Variants in VPS13A observed in about 807,000 individuals in gnomAD.
VPS13A encodes the protein intermembrane lipid transfer protein VPS13A.
Under a neutral mutation model 390.9 loss-of-function variants are expected in VPS13A, and 264 were observed. The observed-to-expected ratio is 0.68, with a 90% CI of 0.61 to 0.75. VPS13A has a LOEUF of 0.75. Ranked by LOEUF, VPS13A falls within the 30% of genes least tolerant of loss-of-function variation. VPS13A has a pLI of 0.00. For missense variants in VPS13A, 3,409 were observed against 3,733.9 expected, an observed-to-expected ratio of 0.91 and a Z score of 2.27; for synonymous variants, 1,231 against 1,227.1, an observed-to-expected ratio of 1.00 and a Z score of -0.07.
intron 23 of VPS13A, among the ~76,000 whole-genome samples, chr9:77,265,266 G>T (rs1488284339): frequency 6.6e-6 from 1 of 152,016 alleles, no homozygotes. Context: ...TCTTTTTTGT[G>T]TGTGTCTCTG....
In VPS13A at chr9:77,339,826, A is replaced by G; in HGVS notation, c.6689A>G (p.Asp2230Gly). Reference sequence around the variant, plus strand: ...GGCCGCATGTTACAGTACAAAGCAGACGGAATTCATCGAAAGCATCCACCT... The same window carrying G: ...GGCCGCATGTTACAGTACAAAGCAGGCGGAATTCATCGAAAGCATCCACCT... ...KTGRMLQYKA[D>G]GIHRKHPPNY... Residue 2230 changes from aspartate to glycine, a missense_variant, in exon 48 of 72, where the codon GAC becomes GGC. This residue lies in a region of VPS13A where 2,717 missense variants were observed against 2,917.4 expected (regional missense o/e 0.93). Coordinates refer to ENST00000360280, the MANE Select transcript of VPS13A (RefSeq NM_033305.3). 2 of 1,614,044 alleles carry G rather than the reference A, an allele frequency of 1.2e-6. No individual in the cohort carries two copies. The highest frequency in any genetic ancestry group is 1.7e-6 in the Non-Finnish European group (2 of 1,179,978).
chr9:77,186,226 T>G (rs1280470259), intron 1 of VPS13A, among the ~76,000 whole-genome samples: 1 of 152,222 alleles, frequency 6.6e-6, no homozygotes, highest in African/African-American at 2.4e-5. Context: ...CTTCTGCCCA[T>G]TGTAACATTG....
chr9:77,238,673 C>G (rs1824289504), intron 19 of VPS13A, among the ~76,000 whole-genome samples: 2 of 152,246 alleles, frequency 1.3e-5, no homozygotes, highest in Non-Finnish European at 2.9e-5. Context: ...CTCTCGTTTT[C>G]CTTTCTTAGA....
In VPS13A at chr9:77,313,927, A is replaced by C. The variant is rs905610865; in HGVS notation, c.4115-65A>C. 3 of 1,483,170 alleles carry C rather than the reference A, an allele frequency of 2.0e-6. No individual in the cohort carries two copies. The African/African-American group carries it at 4.2e-5, about 21-fold the overall frequency. 91.9% of individuals were successfully genotyped at this position (1,483,170 alleles called of 1,614,324 possible). A position where few individuals can be genotyped will look rare whatever the true frequency, so the allele number is the denominator to read the frequency against. On this transcript the variant is annotated intron_variant, in intron 35 of 71. Transcript: ENST00000360280. ...TAATAATTCTATTAAATCTATTTCAAGGGTATTTTAATGAGCTACTTTTCA... is the reference window on the plus strand; with the variant it reads ...TAATAATTCTATTAAATCTATTTCACGGGTATTTTAATGAGCTACTTTTCA...
intron 68 of VPS13A, among the ~76,000 whole-genome samples, chr9:77,386,926 C>G (rs903564200): frequency 1.3e-5 from 2 of 151,910 alleles, no homozygotes; most frequent in Non-Finnish European, 2.9e-5. Context: ...CCAGGATGGT[C>G]TCGATCTGAC....
rs61562443 is a variant in VPS13A, at chr9:77,377,203, G to GTTTTT, written c.9078-4750_9078-4746dup. Among the ~76,000 whole-genome samples, 202 of 69,054 alleles carry GTTTTT rather than the reference G, an allele frequency of 2.9e-3. 23 individuals carry two copies. Among genetic ancestry groups the GTTTTT allele is most frequent in the African/African-American group, 7.7e-3 (132 of 17,250 alleles). 45.3% of individuals were successfully genotyped at this position (69,054 alleles called of 152,430 possible). On this transcript the variant is annotated intron_variant, in intron 67 of 71. Transcript: ENST00000360280. ...CTTATTCCTAAGTATTTTTGATGCTGTTTTTTTTTTTTTTTTTTTTTTTTT... is the reference window on the plus strand; with the variant it reads ...CTTATTCCTAAGTATTTTTGATGCTGTTTTTTTTTTTTTTTTTTTTTTTTTTTTTT...
intron 2 of VPS13A, among the ~76,000 whole-genome samples, chr9:77,200,519 A>G (rs1432617855): frequency 6.6e-6 from 1 of 152,046 alleles, no homozygotes; most frequent in Non-Finnish European, 1.5e-5. Flanking sequence ...CAAACATACA[A>G]AAAATACAGA....
chr9:77,242,268 GATAAA>G (rs1824543434), intron 19 of VPS13A, among the ~76,000 whole-genome samples: 1 of 151,972 alleles, frequency 6.6e-6, no homozygotes, highest in African/African-American at 2.4e-5. Context: ...TCTTTCCTAA[GATAAA>G]ATAATTTAGA....
At chr9:77,304,297 T>A (rs1379836577) in intron 34 of VPS13A, among the ~76,000 whole-genome samples, 1 of 152,140 alleles carries the variant, frequency 6.6e-6, no homozygotes, top group Non-Finnish European at 1.5e-5. Flanking sequence ...TGGGTCAAAG[T>A]GGCTGGGTCA....
intron 22 of VPS13A, among the ~76,000 whole-genome samples, chr9:77,254,068 C>T (rs1186228468): frequency 1.3e-5 from 2 of 150,902 alleles, no homozygotes; most frequent in African/African-American, 2.4e-5. Flanking sequence ...CTCAGCCTCC[C>T]GAGTAGCTGG....
At chr9:77,323,428 T>C (rs73654013) in intron 45 of VPS13A, among the ~76,000 whole-genome samples, 14 of 152,208 alleles carry the variant, frequency 9.2e-5, no homozygotes, top group African/African-American at 3.4e-4. Flanking sequence ...ATACTTCTTA[T>C]AATTTTTTAA....
At chr9:77,197,499 T>C (rs1319618226) in intron 1 of VPS13A, among the ~76,000 whole-genome samples, 1 of 152,220 alleles carries the variant, frequency 6.6e-6, no homozygotes, top group Non-Finnish European at 1.5e-5. Context: ...GTCGGTTTTA[T>C]CATTATATAA....
chr9:77,247,966 A>G (rs889405945), intron 20 of VPS13A, among the ~76,000 whole-genome samples: 2 of 150,552 alleles, frequency 1.3e-5, no homozygotes, highest in Admixed American at 6.6e-5. Flanking sequence ...GCCCGAATCT[A>G]AGATTTATAT....
rs563660713 is a variant in VPS13A, at chr9:77,244,492, G to A, written c.1901-2767G>A. ...CATGGGGCAATGTCTCACTGCCCTC[G>A]TTCTGCTGTGAAACCACCTGAGGAG... is the stretch of plus-strand genomic sequence containing the variant. On this transcript the variant is annotated intron_variant, in intron 19 of 71. Coordinates refer to ENST00000360280, the MANE Select transcript of VPS13A (RefSeq NM_033305.3). Among the ~76,000 whole-genome samples, 17 of 152,252 alleles carry A rather than the reference G, an allele frequency of 1.1e-4. No individual in the cohort carries two copies. The South Asian group carries it at 3.3e-3, about 30-fold the overall frequency.
chr9:77,283,629 T>C lies in VPS13A; in HGVS notation c.3318T>C (p.Asp1106=), dbSNP rs2131350498. ...KLRNIIVLDS[D]ITAIYKKAVY... ...GGAATATAATTGTTTTAGATTCTGATATAACAGCTATATACAAAAAGGTAA... is the reference window on the plus strand; with the variant it reads ...GGAATATAATTGTTTTAGATTCTGACATAACAGCTATATACAAAAAGGTAA... The change falls in exon 31 of 72, where the codon GAT becomes GAC. Residue 1106 remains aspartate (D), a synonymous_variant. Transcript: ENST00000360280. 6.2e-7 allele frequency: 1 copy of C among 1,607,786 alleles called. No individual in the cohort carries two copies. The highest frequency in any genetic ancestry group is 1.7e-4 in the Middle Eastern group (1 of 5,996).
chr9:77,263,008 C>T (rs531790350), intron 23 of VPS13A, among the ~76,000 whole-genome samples: 1 of 152,218 alleles, frequency 6.6e-6, no homozygotes, highest in South Asian at 2.1e-4. Flanking sequence ...GGAATTGCCA[C>T]ACTGTCTTCC....
At chr9:77,314,336 G>T (rs1829258521) in intron 36 of VPS13A, among the ~76,000 whole-genome samples, 159 bp from the exon 37 acceptor site, 1 of 152,174 alleles carries the variant, frequency 6.6e-6, no homozygotes, top group Middle Eastern at 3.4e-3. Flanking sequence ...TAAAATTAAA[G>T]TGATATGTAT....
In VPS13A at chr9:77,214,369, C is replaced by T. The variant is rs1239289451; in HGVS notation, c.737C>T (p.Pro246Leu). The change falls in exon 10 of 72, where the codon CCA becomes CTA. Residue 246 changes from proline to leucine, a missense_variant. Pro to Leu is a moderately conservative substitution (Grantham distance 98, BLOSUM62 -3). Coordinates refer to ENST00000360280, the MANE Select transcript of VPS13A (RefSeq NM_033305.3). The stretch of plus-strand genomic sequence containing the variant: ...GGCATTGTCAATGAAAATATTGTTC[C>T]AGAAGGTTATGATTTTGGTAAGTAC... ...KNGIVNENIV[P>L]EGYDFVFRPI... is the part of the protein sequence containing the mutation. The T allele has an allele frequency of 1.2e-6, 2 of 1,612,754 alleles. No individual in the cohort carries two copies. Among genetic ancestry groups the T allele is most frequent in the Admixed American group, 1.7e-5 (1 of 59,990 alleles).
chr9:77,412,362 C>G (rs921624435), intron 71 of VPS13A, among the ~76,000 whole-genome samples: 4 of 152,198 alleles, frequency 2.6e-5, no homozygotes, highest in African/African-American at 9.6e-5. Flanking sequence ...ACTGGCAAAC[C>G]GAATCCAGCA....
Sources: gnomAD v4.1 joint callset for allele counts (sites outside exome capture counted in the v4.1 genomes callset) on GRCh38, gnomAD v4.1.1 for gene constraint, gnomAD v4.1.1 regional missense constraint, MANE v1.5 for transcripts, NCBI Gene and HGNC (gene_info 2026-07-23, HGNC 2026-07-21) for gene names.